MORN3: variants seen among roughly 807,000 people sequenced by gnomAD.
The protein encoded by MORN3 is MORN repeat-containing protein 3.
Under a neutral mutation model 34.7 loss-of-function variants are expected in MORN3, and 38 were observed. The observed-to-expected ratio is 1.10, with a 90% CI of 0.85 to 1.44. The LOEUF is 1.44. Ranked by LOEUF, MORN3 falls within the 40% of genes most tolerant of loss-of-function variation. The pLI is 0.00. For missense variants in MORN3, 311 were observed against 321.7 expected (o/e 0.97, Z 0.25); for synonymous variants, 109 against 115.3 (o/e 0.95, Z 0.35).
intron 2 of MORN3, 107 bp downstream of exon 2, chr12:121,659,084 T>G: frequency 3.5e-6 from 5 of 1,409,528 alleles, no homozygotes; most frequent in Non-Finnish European, 4.8e-6. Context: ...CCTGTAGACC[T>G]CCCCTCTCTT....
At chr12:121,654,897 G>C (rs1206972784) in intron 2 of MORN3, among the ~76,000 whole-genome samples, 1 of 151,656 alleles carries the variant, frequency 6.6e-6, no homozygotes, top group East Asian at 1.9e-4. Context: ...AGTGCCCACC[G>C]ATAATGTCTT....
At chr12:121,670,226 C>G (rs1893917141), upstream of MORN3, among the ~76,000 whole-genome samples, 1 of 151,854 alleles carries the variant, frequency 6.6e-6, no homozygotes, top group African/African-American at 2.4e-5. Flanking sequence ...GACAATCACA[C>G]CTAGGAGTAG....
upstream of MORN3, among the ~76,000 whole-genome samples, chr12:121,672,242 T>A (rs963928702): frequency 3.3e-5 from 5 of 150,716 alleles, no homozygotes; most frequent in African/African-American, 9.8e-5. Context: ...GAGGATCACA[T>A]GAGTCCGAGA....
In MORN3 at chr12:121,653,378, C is replaced by T. The variant is rs376777762; in HGVS notation, c.464-119G>A. 59 of 1,030,654 alleles carry T rather than the reference C, an allele frequency of 5.7e-5. No homozygotes were observed. In the East Asian group the frequency reaches 6.0e-4, roughly 10 times the overall value. 63.8% of individuals were successfully genotyped at this position (1,030,654 alleles called of 1,614,324 possible). A position where few individuals can be genotyped will look rare whatever the true frequency, so the allele number is the denominator to read the frequency against. ...CACATTGGGAGGCCAAGATGGGAGG[C>T]TCATAAGCCCAGGAGATCAAGACCA... On this transcript the variant is annotated intron_variant, in intron 3 of 5. Coordinates refer to ENST00000355329, the MANE Select transcript of MORN3 (RefSeq NM_173855.5).
At chr12:121,659,528 CTTTCTTTCTTTCTT>C (rs2136874551) in intron 1 of MORN3, among the ~76,000 whole-genome samples, 180 bp from the exon 2 acceptor site, 1 of 149,554 alleles carries the variant, frequency 6.7e-6, no homozygotes, top group African/African-American at 2.5e-5. Context: ...TTCTTTCTTT[CTTTCTTTCTTTCTT>C]TTTTTTTTTT....
At position 121,668,905 on chromosome 12, in the gene MORN3, A is replaced by AG. The variant is rs202216779; in HGVS notation, c.145+433dup. 5.6e-3 allele frequency among the ~76,000 whole-genome samples: 850 copies of AG among 152,200 alleles called. 5 individuals carry two copies. The highest frequency in any genetic ancestry group is 8.6e-3 in the Non-Finnish European group (587 of 67,988). On this transcript the variant is annotated intron_variant, in intron 1 of 5. Transcript: ENST00000355329. ...CCAGCTCCTCCTTGTGGGATGGAGTAGGGGGTCCTCCCTTGTGCCTGGCGC... is the reference window on the plus strand; with the variant it reads ...CCAGCTCCTCCTTGTGGGATGGAGTAGGGGGGTCCTCCCTTGTGCCTGGCGC...
chr12:121,660,481 G>A (rs556394372), intron 1 of MORN3, among the ~76,000 whole-genome samples: 74 of 148,708 alleles, frequency 5.0e-4, no homozygotes, highest in African/African-American at 1.7e-3. Flanking sequence ...CACCCCAGTA[G>A]CTAGAATTAC....
rs1803809406 is a variant in MORN3, at chr12:121,650,822, C to T, written c.*829G>A. 1 of 151,806 alleles carries T rather than the reference C, an allele frequency of 6.6e-6. No individual in the cohort carries two copies. Among genetic ancestry groups the T allele is most frequent in the African/African-American group, 2.4e-5 (1 of 41,318 alleles). The allele number at this position is 151,806 out of a possible 1,614,324, so 9.4% of individuals were successfully genotyped here. On this transcript the variant is annotated 3_prime_UTR_variant, in exon 6 of 6. Transcript: ENST00000355329. The stretch of plus-strand genomic sequence containing the variant: ...TTCCAGCCTGGGCAATAGAGGGAGA[C>T]TACGTCTTAAAAAAAAAAAATCACC...
chr12:121,654,483 G>A (rs374038398), intron 2 of MORN3, 50 bp from the exon 3 acceptor site: 1 of 1,512,548 alleles, frequency 6.6e-7, no homozygotes. Context: ...ACACCACCAG[G>A]AAAGCCCACC....
chr12:121,662,264 C>CA (rs754568997), intron 1 of MORN3, among the ~76,000 whole-genome samples: 21 of 151,896 alleles, frequency 1.4e-4, no homozygotes, highest in Non-Finnish European at 2.5e-4. Flanking sequence ...GCTAGAAGTT[C>CA]AAGACTAGCC....
Position 121,649,705 on chromosome 12 carries a change from AT to A in MORN3, c.*1945del, listed in dbSNP as rs1358110057. The A allele has an allele frequency of 4.6e-3, 546 of 117,442 alleles. 1 individual carries two copies. The highest frequency in any genetic ancestry group is 5.7e-3 in the East Asian group (24 of 4,236). 7.3% of individuals were successfully genotyped at this position (117,442 alleles called of 1,614,324 possible). A position where few individuals can be genotyped will look rare whatever the true frequency, so the allele number is the denominator to read the frequency against. ...TCGTGGTATTTCAGGGTTTCTCAACATTTTTTTTTTTTTTTTTTTTGGAGAT... is the reference window on the plus strand; with the variant it reads ...TCGTGGTATTTCAGGGTTTCTCAACATTTTTTTTTTTTTTTTTTTGGAGAT... On this transcript the variant is annotated 3_prime_UTR_variant, in exon 6 of 6. Transcript: ENST00000355329.
chr12:121,672,204 A>G (rs889556497), upstream of MORN3, among the ~76,000 whole-genome samples: 1 of 152,000 alleles, frequency 6.6e-6, no homozygotes, highest in Non-Finnish European at 1.5e-5. Flanking sequence ...GCCGCCTGCA[A>G]TCCCAGCACG....
In MORN3 at chr12:121,654,314, C is replaced by T; in HGVS notation, c.423G>A (p.Trp141Ter). 1 of 1,601,596 alleles carries T rather than the reference C, an allele frequency of 6.2e-7. No homozygotes were observed. The highest frequency in any genetic ancestry group is 8.5e-7 in the Non-Finnish European group (1 of 1,175,072). Reference sequence around the variant, plus strand: ...CCTCCCCGTTGGGCTTGTCGTTCTCCCACTGTCCCTCGTAGATGTCGCCGT... The same window carrying T: ...CCTCCCCGTTGGGCTTGTCGTTCTCTCACTGTCCCTCGTAGATGTCGCCGT... ...YSNGDIYEGQ[W>*]ENDKPNGEGM... The change falls in exon 3 of 6, where the codon TGG (tryptophan) becomes TGA (stop). Residue 141 changes from tryptophan (W) to a stop codon, truncating the protein, a stop_gained. Transcript: ENST00000355329. LOFTEE classifies it high-confidence loss of function.
At position 121,650,843 on chromosome 12, in the gene MORN3, T is replaced by C. The variant is rs1893236503; in HGVS notation, c.*808A>G. ...GAGACTACGTCTTAAAAAAAAAAAA[T>C]CACCTGGGGAATTTTCTGAAAGCTC... On this transcript the variant is annotated 3_prime_UTR_variant, in exon 6 of 6. Transcript: ENST00000355329. 6.6e-6 allele frequency: 1 copy of C among 151,416 alleles called. No individual in the cohort carries two copies. The highest frequency in any genetic ancestry group is 2.1e-4 in the South Asian group (1 of 4,798). 9.4% of individuals were successfully genotyped at this position (151,416 alleles called of 1,614,324 possible).
At chr12:121,666,458 C>G (rs1054243280) in intron 1 of MORN3, among the ~76,000 whole-genome samples, 8 of 152,010 alleles carry the variant, frequency 5.3e-5, no homozygotes. Flanking sequence ...GAGCCGAGAT[C>G]GCAGCACTGC....
At chr12:121,657,554 G>A (rs1008297233) in intron 2 of MORN3, among the ~76,000 whole-genome samples, 2 of 151,978 alleles carry the variant, frequency 1.3e-5, no homozygotes, top group Non-Finnish European at 2.9e-5. Context: ...AGAATGTTCC[G>A]GGAGACTGAT....
At chr12:121,672,463 A>G (rs1893995752), upstream of MORN3, 1 of 152,398 alleles carries the variant, frequency 6.6e-6, no homozygotes, top group Non-Finnish European at 1.5e-5. Flanking sequence ...CTCAAGGGAA[A>G]AAAAAACAAA....
chr12:121,666,351 A>T (rs1893754612), intron 1 of MORN3, among the ~76,000 whole-genome samples: 1 of 151,944 alleles, frequency 6.6e-6, no homozygotes, highest in Non-Finnish European at 1.5e-5. Context: ...AGAAAATACA[A>T]AAATTGGCTG....
At chr12:121,651,830 TC>T (rs1240121241) in intron 5 of MORN3, among the ~76,000 whole-genome samples, 186 bp from the exon 6 acceptor site, 3 of 152,088 alleles carry the variant, frequency 2.0e-5, no homozygotes, top group Non-Finnish European at 4.4e-5. Flanking sequence ...GGAGACCACC[TC>T]CTTTCAACCC....
Sources: gnomAD v4.1 joint callset for allele counts (sites outside exome capture counted in the v4.1 genomes callset) on GRCh38, gnomAD v4.1.1 for gene constraint, MANE v1.5 for transcripts, NCBI Gene and HGNC (gene_info 2026-07-23, HGNC 2026-07-21) for gene names.